COL4A1: variants seen among roughly 807,000 people sequenced by gnomAD.
COL4A1 encodes the protein collagen alpha-1(IV) chain.
In COL4A1, 40 loss-of-function variants were observed where a neutral mutation model predicts 216.6. That is an observed-to-expected ratio of 0.18 (90% CI 0.14 to 0.24). The LOEUF (loss-of-function observed/expected upper bound fraction) is 0.24. COL4A1 is among the 10% of genes least tolerant of loss of function. The pLI is 1.00. For missense variants in COL4A1, 1,628 were observed against 2,196.8 expected (o/e 0.74, Z 5.18); for synonymous variants, 839 against 810.7 (o/e 1.03, Z -0.59).
chr13:110,282,545 G>A (rs1330473513), intron 1 of COL4A1, among the ~76,000 whole-genome samples: 2 of 152,196 alleles, frequency 1.3e-5, no homozygotes, highest in African/African-American at 4.8e-5. Flanking sequence ...CAACTCAAGT[G>A]TCAATTCCTA....
chr13:110,215,528 T>C (rs956987328), intron 2 of COL4A1, among the ~76,000 whole-genome samples: 2 of 146,426 alleles, frequency 1.4e-5, no homozygotes, highest in African/African-American at 5.1e-5. Context: ...GCCACTGCAC[T>C]CTAGCCTGGG....
At chr13:110,264,378 T>C (rs1364375603) in intron 1 of COL4A1, among the ~76,000 whole-genome samples, 2 of 152,078 alleles carry the variant, frequency 1.3e-5, no homozygotes, top group African/African-American at 2.4e-5. Flanking sequence ...AGGTTCCCTC[T>C]TAAAACTCAA....
intron 1 of COL4A1, among the ~76,000 whole-genome samples, chr13:110,280,507 A>T (rs768965349): frequency 3.3e-5 from 5 of 152,272 alleles, no homozygotes; most frequent in Admixed American, 6.5e-5. Context: ...AAGAGAAAGT[A>T]TTCAAAAAAT....
At chr13:110,290,013 T>C (rs965077568) in intron 1 of COL4A1, among the ~76,000 whole-genome samples, 14 of 151,986 alleles carry the variant, frequency 9.2e-5, no homozygotes, top group Non-Finnish European at 1.8e-4. Context: ...AAGGGAAGGG[T>C]TGGCTGAAAG....
At chr13:110,199,387 G>A (rs1054880199) in intron 20 of COL4A1, among the ~76,000 whole-genome samples, 8 of 152,184 alleles carry the variant, frequency 5.3e-5, no homozygotes, top group African/African-American at 9.7e-5. Context: ...AGGGAAGAGC[G>A]CTGACCAAAG....
At chr13:110,222,927 T>C (rs1195496099) in intron 2 of COL4A1, among the ~76,000 whole-genome samples, 1 of 152,006 alleles carries the variant, frequency 6.6e-6, no homozygotes, top group East Asian at 1.9e-4. Flanking sequence ...CTAAAAGAAC[T>C]CTATGGTAAA....
rs367845519 is a variant in COL4A1 at position 110,275,252 on chromosome 13, CT to C, written c.84+31691del. 5.5e-3 allele frequency among the ~76,000 whole-genome samples: 835 copies of C among 152,246 alleles called. 8 individuals carry two copies. The highest frequency in any genetic ancestry group is 0.019 in the African/African-American group (783 of 41,540). ...CCCAATTAAAAAATGGGCCAAAGAC[CT>C]TAACAGACACTTCACTAAAGAAGAT... On this transcript the variant is annotated intron_variant, in intron 1 of 51. Transcript: ENST00000375820.
At chr13:110,287,388 G>A (rs566971881) in intron 1 of COL4A1, among the ~76,000 whole-genome samples, 1 of 152,230 alleles carries the variant, frequency 6.6e-6, no homozygotes, top group Non-Finnish European at 1.5e-5. Context: ...CCCCTACTTC[G>A]TGCCCACAAA....
At chr13:110,266,682 A>G (rs1883049756) in intron 1 of COL4A1, among the ~76,000 whole-genome samples, 2 of 152,184 alleles carry the variant, frequency 1.3e-5, no homozygotes, top group Non-Finnish European at 2.9e-5. Flanking sequence ...CCTGAACTTA[A>G]TAAAGGTATC....
At chr13:110,212,389 A>G in intron 6 of COL4A1, 28 bp downstream of exon 6, 1 of 1,612,448 alleles carries the variant, frequency 6.2e-7, no homozygotes, top group South Asian at 1.1e-5. Flanking sequence ...AACACACACA[A>G]AAAGGAGGGT....
At chr13:110,262,017 T>G (rs1882848538) in intron 1 of COL4A1, among the ~76,000 whole-genome samples, 1 of 152,126 alleles carries the variant, frequency 6.6e-6, no homozygotes, top group Non-Finnish European at 1.5e-5. Context: ...TAAAGGGAAT[T>G]TAGAAACATG....
At chr13:110,161,871 T>A in intron 48 of COL4A1, 1 of 343,708 alleles carries the variant, frequency 2.9e-6, no homozygotes, top group Non-Finnish European at 5.5e-6. Context: ...CCTTTTTTTT[T>A]ACAAAGAGCA....
At chr13:110,213,663 G>A in intron 4 of COL4A1, 119 bp downstream of exon 4, 1 of 1,019,384 alleles carries the variant, frequency 9.8e-7, no homozygotes, top group Non-Finnish European at 1.5e-6. Context: ...CGTGCTGTGT[G>A]AGCTGGGAGA....
intron 1 of COL4A1, among the ~76,000 whole-genome samples, chr13:110,246,686 A>G (rs917771985): frequency 1.3e-5 from 2 of 152,130 alleles, no homozygotes; most frequent in African/African-American, 4.8e-5. Context: ...AGGGCTCTGC[A>G]TTCTCCCGGT....
At chr13:110,206,552 G>A in intron 15 of COL4A1, 113 bp downstream of exon 15, 2 of 1,214,316 alleles carry the variant, frequency 1.6e-6, no homozygotes, top group Non-Finnish European at 2.4e-6. Context: ...GCATGAAAGG[G>A]ATAAACTAGA....
chr13:110,194,758 T>C (rs1878803861), intron 22 of COL4A1, among the ~76,000 whole-genome samples: 1 of 152,188 alleles, frequency 6.6e-6, no homozygotes, highest in Non-Finnish European at 1.5e-5. Flanking sequence ...ACGCCCACTG[T>C]AGCAAGACTG....
intron 1 of COL4A1, among the ~76,000 whole-genome samples, chr13:110,300,122 T>C (rs186473090): frequency 9.2e-4 from 140 of 152,304 alleles, no homozygotes; most frequent in African/African-American, 3.1e-3. Context: ...AGATTAGATA[T>C]TAATATTGTT....
intron 26 of COL4A1, among the ~76,000 whole-genome samples, chr13:110,185,612 G>A (rs934665487): frequency 6.6e-6 from 1 of 152,156 alleles, no homozygotes; most frequent in Non-Finnish European, 1.5e-5. Context: ...TTCTCATTCC[G>A]GGATTTTCTA....
chr13:110,195,852 T>C (rs1878862054), intron 21 of COL4A1, among the ~76,000 whole-genome samples: 1 of 152,188 alleles, frequency 6.6e-6, no homozygotes, highest in East Asian at 1.9e-4. Flanking sequence ...CTAACACTCA[T>C]GCACCAGCAC....
Sources: allele counts gnomAD v4.1 joint callset (sites outside exome capture counted in the v4.1 genomes callset), GRCh38; gene constraint gnomAD v4.1.1; transcripts MANE v1.5; gene names NCBI Gene and HGNC (gene_info 2026-07-23, HGNC 2026-07-21).